Variants in KLC2 observed in about 807,000 individuals in gnomAD.
KLC2 encodes the protein KLC 2.
Under a neutral mutation model 75.1 loss-of-function variants are expected in KLC2, and 35 were observed. That is an observed-to-expected ratio of 0.47 (90% CI 0.36 to 0.62). The LOEUF (loss-of-function observed/expected upper bound fraction) is 0.62. Ranked by LOEUF, KLC2 falls within the 20% of genes least tolerant of loss-of-function variation. The pLI is 0.00. For missense variants in KLC2, 611 were observed against 833.2 expected (o/e 0.73, Z 3.28); for synonymous variants, 314 against 336.7 (o/e 0.93, Z 0.74).
At position 66,261,784 on chromosome 11, in the gene KLC2, G is replaced by C; in HGVS notation, c.271G>C (p.Glu91Gln). The C allele has an allele frequency of 6.2e-7, 1 of 1,612,694 alleles. No homozygotes were observed. ...GAGCCACCTGGGGGCTGTAGAATCA[G>C]AGAAGCAGAAGCTGCGGGCGCAGGT... The part of the protein sequence containing the change: ...LSSHLGAVES[E>Q]KQKLRAQVRR... Residue 91 changes from glutamate (E) to glutamine (Q), a missense_variant, in exon 3 of 16, where the codon GAG (glutamate) becomes CAG (glutamine). Transcript: ENST00000394067.
In KLC2 at chr11:66,265,060, G is replaced by A; in HGVS notation, c.1254G>A (p.Arg418=). The change falls in exon 10 of 16, where the codon CGG becomes CGA. Residue 418 remains arginine (R), a synonymous_variant. Transcript: ENST00000394067. ...NKPIWMHAEE[R]EESKDKRRDS... ...CCATCTGGATGCACGCAGAGGAGCG[G>A]GAGGAAAGCAAGGTAGCTCTGTGGG... 6.2e-7 allele frequency: 1 copy of A among 1,612,960 alleles called. No homozygotes were observed. Among genetic ancestry groups the A allele is most frequent in the Non-Finnish European group, 8.5e-7 (1 of 1,179,190 alleles).
At chr11:66,262,273 C>A in intron 4 of KLC2, 81 bp downstream of exon 4, 1 of 1,082,114 alleles carries the variant, frequency 9.2e-7, no homozygotes, top group Non-Finnish European at 1.4e-6. Flanking sequence ...CTGCCATGTT[C>A]CTTCCTGCCT....
rs764364153 is a variant in KLC2 at position 66,266,485 on chromosome 11, A to T, written c.1780A>T (p.Thr594Ser). ...CCTCAACAAGAGCGTGGAAGAGCCG[A>T]CCCAGGTAGGGGCAGGCGGGTGTCT... ...NFLNKSVEEP[T>S]QPGGTGLSDS... Residue 594 changes from threonine (T) to serine (S), a missense_variant, in exon 15 of 16, where the codon ACC becomes TCC. Thr to Ser is a moderately conservative substitution (Grantham distance 58). Coordinates refer to ENST00000394067, the MANE Select transcript of KLC2 (RefSeq NM_001318734.2). The T allele has an allele frequency of 6.2e-7, 1 of 1,613,842 alleles. No homozygotes were observed. Among genetic ancestry groups the T allele is most frequent in the Non-Finnish European group, 8.5e-7 (1 of 1,179,872 alleles).
upstream of KLC2, among the ~76,000 whole-genome samples, chr11:66,255,858 C>T (rs1046015152): frequency 6.6e-6 from 1 of 151,770 alleles, no homozygotes; most frequent in African/African-American, 2.4e-5. Flanking sequence ...CTCCGCCTCC[C>T]GGGTTCAAGC....
rs879008581 is a variant in KLC2, at chr11:66,266,801, G to C, written c.1786-72G>C. 15 of 1,509,274 alleles carry C rather than the reference G, an allele frequency of 9.9e-6. No individual in the cohort carries two copies. In the South Asian group the frequency reaches 1.6e-4, roughly 16 times the overall value. The allele number at this position is 1,509,274 out of a possible 1,614,324, so 93.5% of individuals were successfully genotyped here. A position where few individuals can be genotyped will look rare whatever the true frequency, so the allele number is the denominator to read the frequency against. On this transcript the variant is annotated intron_variant, in intron 15 of 15. Transcript: ENST00000394067. ...GATTCCGGCTGCCTCTGCCAGGTCAGACCCCTTCAGGCCAGGGAGGCACAG... is the reference window on the plus strand; with the variant it reads ...GATTCCGGCTGCCTCTGCCAGGTCACACCCCTTCAGGCCAGGGAGGCACAG...
At chr11:66,259,250 C>G (rs1856222483) in intron 2 of KLC2, among the ~76,000 whole-genome samples, 1 of 152,198 alleles carries the variant, frequency 6.6e-6, no homozygotes, top group African/African-American at 2.4e-5. Context: ...AACACACATA[C>G]AGAAATAATT....
In KLC2 at chr11:66,261,788, A is replaced by G. The variant is rs752821205; in HGVS notation, c.275A>G (p.Lys92Arg). Residue 92 changes from lysine to arginine, a missense_variant, in exon 3 of 16, where the codon AAG (lysine) becomes AGG (arginine). Coordinates refer to ENST00000394067, the MANE Select transcript of KLC2 (RefSeq NM_001318734.2). The part of the protein sequence containing the change: ...SSHLGAVESE[K>R]QKLRAQVRRL... ...CACCTGGGGGCTGTAGAATCAGAGA[A>G]GCAGAAGCTGCGGGCGCAGGTGCGG... is the stretch of plus-strand genomic sequence containing the variant. The G allele has an allele frequency of 6.2e-7, 1 of 1,612,706 alleles. No homozygotes were observed. The highest frequency in any genetic ancestry group is 8.5e-7 in the Non-Finnish European group (1 of 1,179,944).
chr11:66,253,220 C>T (rs1855978022), upstream of KLC2, among the ~76,000 whole-genome samples: 1 of 152,052 alleles, frequency 6.6e-6, no homozygotes. Context: ...CCGCCCATCT[C>T]GGCCTCCCAA....
Position 66,267,097 on chromosome 11 carries a change from C to T in KLC2, c.*141C>T. The T allele has an allele frequency of 6.5e-7, 1 of 1,533,596 alleles. No homozygotes were observed. Among genetic ancestry groups the T allele is most frequent in the Non-Finnish European group, 8.8e-7 (1 of 1,137,396 alleles). 95.0% of individuals were successfully genotyped at this position (1,533,596 alleles called of 1,614,324 possible). A position where few individuals can be genotyped will look rare whatever the true frequency, so the allele number is the denominator to read the frequency against. ...TGTTCAATCTCAGGGTAACCTTCTC[C>T]CTTGTCATCTCAGCCTGAGCCCTGG... On this transcript the variant is annotated 3_prime_UTR_variant, in exon 16 of 16. Coordinates refer to ENST00000394067, the MANE Select transcript of KLC2 (RefSeq NM_001318734.2).
intron 7 of KLC2, 42 bp from the exon 8 acceptor site, chr11:66,264,004 G>T: frequency 6.2e-7 from 1 of 1,611,776 alleles, no homozygotes; most frequent in South Asian, 1.1e-5. Context: ...CAGGGGCCCG[G>T]GCAGCCCTGA....
chr11:66,247,783 A>C, the KLC2 span, among the ~76,000 whole-genome samples: 1 of 152,172 alleles, frequency 6.6e-6, no homozygotes, highest in Non-Finnish European at 1.5e-5. Flanking sequence ...GTGCACAATA[A>C]ATACTCGTTT....
In KLC2 at chr11:66,261,860, C is replaced by T. The variant is rs769994731; in HGVS notation, c.347C>T (p.Thr116Ile). The T allele has an allele frequency of 6.8e-6, 11 of 1,613,886 alleles. No homozygotes were observed. The highest frequency in any genetic ancestry group is 5.9e-6 in the Non-Finnish European group (7 of 1,180,002). ...NQWLREELAG[T>I]QQKLQRSEQA... ...TGGCTGCGTGAGGAGCTGGCGGGGA[C>T]ACAGCAGAAGCTGCAGCGCAGTGAG... Residue 116 changes from threonine (T) to isoleucine (I), a missense_variant, in exon 3 of 16, where the codon ACA becomes ATA. By Grantham distance (89) the Thr-to-Ile change is moderately conservative. Transcript: ENST00000394067.
chr11:66,265,476 T>A, intron 11 of KLC2, 179 bp from the exon 12 acceptor site: 1 of 682,172 alleles, frequency 1.5e-6, no homozygotes, highest in Non-Finnish European at 2.5e-6. Context: ...TCCCCAGCCC[T>A]GGGGTGATTT....
chr11:66,264,339 T>C lies in KLC2; in HGVS notation c.1117-6T>C. The C allele has an allele frequency of 6.2e-7, 1 of 1,610,158 alleles. No homozygotes were observed. Among genetic ancestry groups the C allele is most frequent in the Non-Finnish European group, 8.5e-7 (1 of 1,177,910 alleles). ...CCCGCTCACTCTCTGGGTCTCCCGC[T>C]TCCAGGCTTCCTGCTACCTGAAGCA... On this transcript the variant is annotated splice_polypyrimidine_tract_variant and splice_region_variant and intron_variant, in intron 8 of 15. Coordinates refer to ENST00000394067, the MANE Select transcript of KLC2 (RefSeq NM_001318734.2).
At chr11:66,255,196 T>C (rs767835811), upstream of KLC2, among the ~76,000 whole-genome samples, 29 of 152,188 alleles carry the variant, frequency 1.9e-4, no homozygotes, top group South Asian at 4.1e-4. Context: ...TATGTAGGTA[T>C]ATATTTTGAG....
upstream of KLC2, among the ~76,000 whole-genome samples, chr11:66,253,232 G>T (rs1855978076): frequency 6.6e-6 from 1 of 152,104 alleles, no homozygotes; most frequent in South Asian, 2.1e-4. Context: ...GCCTCCCAAA[G>T]TGCTGGGATT....
At chr11:66,256,203 C>A (rs1856029608), upstream of KLC2, among the ~76,000 whole-genome samples, 4 of 150,614 alleles carry the variant, frequency 2.7e-5, no homozygotes, top group Admixed American at 2.6e-4. Context: ...CCAGCCTGGG[C>A]AACATATTGA....
Position 66,263,642 on chromosome 11 carries a change from GCTC to G in KLC2, c.753-15_753-13del. 6.3e-7 allele frequency: 1 copy of G among 1,590,958 alleles called. No homozygotes were observed. The highest frequency in any genetic ancestry group is 8.6e-7 in the Non-Finnish European group (1 of 1,159,238). ...TGAGCTGGAGGACAGCCCTGACCAT[GCTC>G]CTACCTGCTCCCAGGGATCAGAACA... On this transcript the variant is annotated splice_polypyrimidine_tract_variant and intron_variant, in intron 5 of 15. Coordinates refer to ENST00000394067, the MANE Select transcript of KLC2 (RefSeq NM_001318734.2).
At chr11:66,245,787 C>T in the KLC2 span, among the ~76,000 whole-genome samples, 1 of 152,048 alleles carries the variant, frequency 6.6e-6, no homozygotes, top group East Asian at 1.9e-4. Context: ...GAGGCTGAGG[C>T]ACGAGAATCA....
Sources: gnomAD v4.1 joint callset for allele counts (sites outside exome capture counted in the v4.1 genomes callset) on GRCh38, gnomAD v4.1.1 for gene constraint, MANE v1.5 for transcripts, NCBI Gene and HGNC (gene_info 2026-07-23, HGNC 2026-07-21) for gene names.